JHY: variants seen among roughly 807,000 people sequenced by gnomAD.
The protein encoded by JHY is jhy protein homolog.
In JHY, 69 loss-of-function variants were observed where a neutral mutation model predicts 78.0. The observed-to-expected ratio is 0.88, with a 90% CI of 0.73 to 1.08. The LOEUF (loss-of-function observed/expected upper bound fraction) is 1.08. Ranked by LOEUF, JHY falls within the 50% of genes least tolerant of loss-of-function variation. The probability of loss-of-function intolerance (pLI) is 0.00; values close to 1 mark genes in which losing one functional copy is unlikely to be tolerated. For synonymous variants in JHY, 368 were observed against 342.6 expected (o/e 1.07, Z -0.82); for missense variants, 944 against 927.8 (o/e 1.02, Z -0.23).
intron 3 of JHY, among the ~76,000 whole-genome samples, chr11:122,919,905 C>G (rs1863324830): frequency 6.6e-6 from 1 of 152,234 alleles, no homozygotes. Flanking sequence ...ATGAGGTAAT[C>G]TATAGGAATG....
At chr11:122,946,824 C>T in intron 6 of JHY, 32 bp downstream of exon 6, 1 of 1,575,248 alleles carries the variant, frequency 6.3e-7, no homozygotes, top group Admixed American at 1.8e-5. Context: ...CCAAGTAACT[C>T]TTCCATTTTG....
chr11:122,904,414 T>C lies in JHY; in HGVS notation c.834T>C (p.Asn278=). ...CGGACTCTTATCTTCAACTTCACAA[T>C]AAAAAAAGAGGGGAATCTCATCCAG... ...PKTDSYLQLH[N]KKRGESHPEQ... is the part of the protein sequence containing the mutation. Residue 278 remains asparagine (N), a synonymous_variant, in exon 3 of 9, where the codon AAT becomes AAC. Coordinates refer to ENST00000227349, the MANE Select transcript of JHY (RefSeq NM_024806.4). 1 of 1,610,968 alleles carries C rather than the reference T, an allele frequency of 6.2e-7. No homozygotes were observed. The highest frequency in any genetic ancestry group is 1.1e-5 in the South Asian group (1 of 90,890).
At chr11:122,922,864 C>T (rs1232331017) in intron 3 of JHY, among the ~76,000 whole-genome samples, 1 of 135,844 alleles carries the variant, frequency 7.4e-6, no homozygotes, top group Non-Finnish European at 1.6e-5. Context: ...TGAACACAAA[C>T]AGGACAGATC....
At chr11:122,924,831 T>TG (rs1863458703) in intron 3 of JHY, 66 bp from the exon 4 acceptor site, 2 of 1,291,150 alleles carry the variant, frequency 1.5e-6, no homozygotes. Context: ...TGCACAGACT[T>TG]GAGTCCCATG....
chr11:122,951,913 G>A (rs1317655637), intron 6 of JHY, among the ~76,000 whole-genome samples: 1 of 151,982 alleles, frequency 6.6e-6, no homozygotes, highest in Non-Finnish European at 1.5e-5. Context: ...ATCAGGGATT[G>A]GTTGAGAGCA....
At chr11:122,954,333 A>G (rs1213398539) in intron 6 of JHY, among the ~76,000 whole-genome samples, 1 of 152,210 alleles carries the variant, frequency 6.6e-6, no homozygotes, top group Non-Finnish European at 1.5e-5. Flanking sequence ...TTCATGGGCA[A>G]GAGTTCAGTG....
intron 2 of JHY, among the ~76,000 whole-genome samples, chr11:122,889,324 GTA>G (rs374164632): frequency 0.026 from 1,233 of 47,772 alleles, 26 homozygotes; most frequent in African/African-American, 0.067. Flanking sequence ...TTGGCTTTCC[GTA>G]TCCATGGTTT....
intron 3 of JHY, among the ~76,000 whole-genome samples, chr11:122,907,200 TA>T (rs1209217016): frequency 6.6e-5 from 10 of 152,204 alleles, no homozygotes; most frequent in African/African-American, 2.4e-4. Flanking sequence ...AACAGTGACA[TA>T]ATGATATGTG....
At position 122,885,961 on chromosome 11, in the gene JHY, AT is replaced by A. The variant is rs1404754457; in HGVS notation, c.115del (p.Ser39GlnfsTer36). On this transcript the variant is annotated frameshift_variant, in exon 2 of 9. Coordinates refer to ENST00000227349, the MANE Select transcript of JHY (RefSeq NM_024806.4). LOFTEE classifies it high-confidence loss of function. Reference protein sequence around the residue: ...PPLKKEDLHRISKDSLESDSE... With the variant: ...PPLKKEDLHRXSKDSLESDSE... Reference sequence around the variant, plus strand: ...TTTGAAGAAAGAAGACTTACATCGGATTTCAAAAGACTCCTTGGAATCTGAT... The same window carrying A: ...TTTGAAGAAAGAAGACTTACATCGGATTCAAAAGACTCCTTGGAATCTGAT... The A allele has an allele frequency of 6.2e-7, 1 of 1,614,192 alleles. No individual in the cohort carries two copies. The highest frequency in any genetic ancestry group is 2.2e-5 in the East Asian group (1 of 44,886).
intron 3 of JHY, among the ~76,000 whole-genome samples, chr11:122,916,879 G>A (rs1212113528): frequency 2.0e-5 from 3 of 151,966 alleles, no homozygotes; most frequent in East Asian, 1.9e-4. Context: ...ATGCTCCCAC[G>A]TCAGCCTCCC....
chr11:122,943,304 A>G (rs149569359), intron 5 of JHY, among the ~76,000 whole-genome samples: 36 of 152,382 alleles, frequency 2.4e-4, no homozygotes, highest in Non-Finnish European at 3.1e-4. Flanking sequence ...TAACAAAACA[A>G]TTATTGTCAG....
intron 3 of JHY, among the ~76,000 whole-genome samples, chr11:122,924,484 C>G (rs186102389): frequency 6.6e-6 from 1 of 152,168 alleles, no homozygotes; most frequent in Non-Finnish European, 1.5e-5. Flanking sequence ...TGGCACACCG[C>G]GAGCATTCCA....
At chr11:122,902,144 T>C (rs759939930) in intron 2 of JHY, among the ~76,000 whole-genome samples, 43 of 146,230 alleles carry the variant, frequency 2.9e-4, no homozygotes, top group Middle Eastern at 3.4e-3. Context: ...AGGAGTGCAC[T>C]CTAAAATAAT....
chr11:122,958,578 A>G (rs761110168), intron 8 of JHY: 26 of 306,886 alleles, frequency 8.5e-5, no homozygotes, highest in Non-Finnish European at 1.1e-4. Flanking sequence ...GACTGAAAGC[A>G]TACAATCCAT....
At position 122,883,292 on chromosome 11, in the gene JHY, C is replaced by T. The variant is rs1309856338; in HGVS notation, c.-90+320C>T. Among the ~76,000 whole-genome samples, 1 of 152,158 alleles carries T rather than the reference C, an allele frequency of 6.6e-6. No homozygotes were observed. The highest frequency in any genetic ancestry group is 1.5e-5 in the Non-Finnish European group (1 of 68,026). On this transcript the variant is annotated intron_variant, in intron 1 of 8. Transcript: ENST00000227349. The surrounding 1 kb of genome is among the most constrained non-coding windows in gnomAD (Gnocchi z 4.4). The stretch of plus-strand genomic sequence containing the variant: ...AACGCCCCTTGTGACAGGCCTTGTT[C>T]CTCAGGAACAAGCAAAGGTAGAAAA...
chr11:122,886,334 T>C, intron 2 of JHY, 141 bp downstream of exon 2: 1 of 772,510 alleles, frequency 1.3e-6, no homozygotes, highest in East Asian at 2.7e-5. Flanking sequence ...CAGCCAAGGA[T>C]AGCTGGGCAC....
In JHY at chr11:122,907,059, C is replaced by T. The variant is rs975884063; in HGVS notation, c.864+2615C>T. Among the ~76,000 whole-genome samples the T allele has an allele frequency of 3.3e-5, 5 of 152,268 alleles. No homozygotes were observed. In the South Asian group the frequency reaches 1.0e-3, roughly 32 times the overall value. On this transcript the variant is annotated intron_variant, in intron 3 of 8. Transcript: ENST00000227349. ...GTTGCTATGCAGGATTCGATCATCA[C>T]ACACTGCAGCCTTGAACTCCTGGGC...
At chr11:122,951,968 C>T (rs1304116928) in intron 6 of JHY, among the ~76,000 whole-genome samples, 1 of 150,768 alleles carries the variant, frequency 6.6e-6, no homozygotes, top group African/African-American at 2.4e-5. Context: ...GGAGACTTAA[C>T]AAGACTATCA....
At chr11:122,922,358 C>T (rs757644042) in intron 3 of JHY, among the ~76,000 whole-genome samples, 9 of 152,104 alleles carry the variant, frequency 5.9e-5, no homozygotes, top group Non-Finnish European at 1.0e-4. Context: ...TAAGGTTACA[C>T]CTGAAATAAA....
Sources: allele counts gnomAD v4.1 joint callset (sites outside exome capture counted in the v4.1 genomes callset), GRCh38; gene constraint gnomAD v4.1.1; non-coding constraint Gnocchi (gnomAD v3.1); transcripts MANE v1.5; gene names NCBI Gene and HGNC (gene_info 2026-07-23, HGNC 2026-07-21).